TMEM117: variants seen among roughly 807,000 people sequenced by gnomAD.
TMEM117 encodes transmembrane protein 117.
Under a neutral mutation model 52.4 loss-of-function variants are expected in TMEM117, and 27 were observed. The observed-to-expected ratio is 0.51, with a 90% CI of 0.38 to 0.71. The LOEUF is 0.71. Ranked by LOEUF, TMEM117 falls within the 30% of genes least tolerant of loss-of-function variation. The pLI is 0.00. For synonymous variants in TMEM117, 215 were observed against 206.3 expected (o/e 1.04, Z -0.36); for missense variants, 556 against 630.5 (o/e 0.88, Z 1.26).
At chr12:43,949,229 A>AAAGG (rs1437641533) in intron 3 of TMEM117, among the ~76,000 whole-genome samples, 2 of 152,206 alleles carry the variant, frequency 1.3e-5, no homozygotes, top group East Asian at 3.9e-4. Context: ...AGCAAGAATG[A>AAAGG]AAGGAAGTAC....
chr12:44,347,949 C>T (rs1028680044), intron 6 of TMEM117, among the ~76,000 whole-genome samples: 1 of 152,010 alleles, frequency 6.6e-6, no homozygotes, highest in Non-Finnish European at 1.5e-5. Context: ...CAGGATTGAG[C>T]ACCATGACCT....
chr12:44,214,823 G>A (rs919443039), intron 5 of TMEM117, among the ~76,000 whole-genome samples: 1 of 152,056 alleles, frequency 6.6e-6, no homozygotes, highest in African/African-American at 2.4e-5. Context: ...TTGTAAAAAA[G>A]GAAAAGCTGA....
At chr12:44,016,066 T>C (rs1170261197) in intron 3 of TMEM117, among the ~76,000 whole-genome samples, 1 of 152,126 alleles carries the variant, frequency 6.6e-6, no homozygotes, top group Non-Finnish European at 1.5e-5. Context: ...CCCCGTTGAA[T>C]GGATTGATAG....
At chr12:44,321,055 G>T (rs772027148) in intron 6 of TMEM117, among the ~76,000 whole-genome samples, 5 of 152,132 alleles carry the variant, frequency 3.3e-5, no homozygotes, top group Non-Finnish European at 7.4e-5. Context: ...CAATGTACTT[G>T]TGTGAGCTAT....
At chr12:43,957,001 T>C (rs1480775080) in intron 3 of TMEM117, among the ~76,000 whole-genome samples, 2 of 152,126 alleles carry the variant, frequency 1.3e-5, no homozygotes, top group Non-Finnish European at 2.9e-5. Flanking sequence ...ATGTCCTTTG[T>C]AGGGACATGG....
chr12:43,909,949 A>G (rs1217849371), intron 2 of TMEM117, among the ~76,000 whole-genome samples: 1 of 133,746 alleles, frequency 7.5e-6, no homozygotes. Flanking sequence ...TTCTGAAACT[A>G]TTCCAATCAA....
chr12:44,071,832 C>T (rs1421967329), intron 3 of TMEM117, among the ~76,000 whole-genome samples: 1 of 152,114 alleles, frequency 6.6e-6, no homozygotes, highest in Non-Finnish European at 1.5e-5. Flanking sequence ...TTCCTGTGTG[C>T]TTAAAATTCA....
chr12:44,378,702 T>A (rs750845188), intron 7 of TMEM117, among the ~76,000 whole-genome samples: 3 of 152,224 alleles, frequency 2.0e-5, no homozygotes, highest in African/African-American at 4.8e-5. Flanking sequence ...TTTGGTGCAG[T>A]GTTTGCCATA....
chr12:44,162,894 C>T (rs1399351478), intron 4 of TMEM117, among the ~76,000 whole-genome samples: 4 of 152,098 alleles, frequency 2.6e-5, no homozygotes, highest in African/African-American at 9.7e-5. Flanking sequence ...ATTTTTGCTC[C>T]CTAGGAAAAA....
intron 6 of TMEM117, among the ~76,000 whole-genome samples, chr12:44,309,608 T>G (rs1057023967): frequency 7.9e-5 from 12 of 152,120 alleles, no homozygotes; most frequent in Admixed American, 7.2e-4. Context: ...GCACTTAATA[T>G]GTACTGGGCA....
intron 2 of TMEM117, among the ~76,000 whole-genome samples, chr12:43,863,731 G>A (rs868071584): frequency 2.0e-5 from 3 of 152,164 alleles, no homozygotes; most frequent in Non-Finnish European, 4.4e-5. Flanking sequence ...AGGTGACAGC[G>A]TGCTGGCAGC....
chr12:43,819,691 G>T, the TMEM117 span, among the ~76,000 whole-genome samples: 1 of 152,096 alleles, frequency 6.6e-6, no homozygotes, highest in Admixed American at 6.5e-5. Context: ...CAGGAGAATC[G>T]CATGAACCCA....
chr12:43,979,343 G>C (rs1235252158), intron 3 of TMEM117, among the ~76,000 whole-genome samples: 1 of 152,074 alleles, frequency 6.6e-6, no homozygotes, highest in African/African-American at 2.4e-5. Flanking sequence ...GGGGCTGCTA[G>C]TAAAATATCA....
intron 7 of TMEM117, among the ~76,000 whole-genome samples, chr12:44,377,710 C>T (rs960862365): frequency 1.3e-4 from 20 of 152,236 alleles, no homozygotes; most frequent in African/African-American, 4.8e-4. Context: ...GGACAATGGC[C>T]TAGGATCCCA....
chr12:44,289,082 C>T (rs1323708706), intron 5 of TMEM117, among the ~76,000 whole-genome samples: 1 of 152,152 alleles, frequency 6.6e-6, no homozygotes, highest in Non-Finnish European at 1.5e-5. Flanking sequence ...TCTACTTTTT[C>T]AGATATCACA....
chr12:44,378,635 CAG>C (rs1951975734), intron 7 of TMEM117, among the ~76,000 whole-genome samples: 1 of 152,138 alleles, frequency 6.6e-6, no homozygotes, highest in Non-Finnish European at 1.5e-5. Context: ...ACTTTTATAG[CAG>C]AGACTACATA....
intron 5 of TMEM117, among the ~76,000 whole-genome samples, chr12:44,293,213 A>G (rs1428131006): frequency 6.6e-6 from 1 of 151,994 alleles, no homozygotes; most frequent in African/African-American, 2.4e-5. Context: ...CTGAAAGTCC[A>G]TTCTGTCTAA....
chr12:43,889,479 G>C (rs1489123766), intron 2 of TMEM117, among the ~76,000 whole-genome samples: 1 of 152,220 alleles, frequency 6.6e-6, no homozygotes, highest in African/African-American at 2.4e-5. Flanking sequence ...CCACTGATCT[G>C]ACAGGAGGTG....
At chr12:44,309,470 T>C (rs1950945334) in intron 6 of TMEM117, among the ~76,000 whole-genome samples, 2 of 152,052 alleles carry the variant, frequency 1.3e-5, no homozygotes. Context: ...ATGAGAACAC[T>C]GCACAGTGAA....
Sources: allele counts gnomAD v4.1 joint callset (sites outside exome capture counted in the v4.1 genomes callset), GRCh38; gene constraint gnomAD v4.1.1; transcripts MANE v1.5; gene names NCBI Gene and HGNC (gene_info 2026-07-23, HGNC 2026-07-21).